The following LRP1B variants were observed in gnomAD, a reference collection of about 807,000 sequenced individuals.
LRP1B encodes LDL receptor related protein 1B.
In LRP1B, 217 loss-of-function variants were observed where a neutral mutation model predicts 556.6. That is an observed-to-expected ratio of 0.39 (90% confidence interval 0.35 to 0.44). The LOEUF (loss-of-function observed/expected upper bound fraction) is 0.44, where lower values mean the gene tolerates loss of function less well. Ranked by LOEUF, LRP1B falls within the 20% of genes least tolerant of loss-of-function variation. The pLI is 1.00. For synonymous variants in LRP1B, 2,047 were observed against 1,865.8 expected (o/e 1.10, Z -2.50); for missense variants, 5,053 against 5,620.8 (o/e 0.90, Z 3.23).
At chr2:141,204,965 G>T (rs975050269) in intron 6 of LRP1B, among the ~76,000 whole-genome samples, 1 of 151,782 alleles carries the variant, frequency 6.6e-6, no homozygotes, top group Non-Finnish European at 1.5e-5. Flanking sequence ...AAGAAAAAAA[G>T]AATTTTAGAA....
chr2:140,313,891 C>G (rs1192329427), intron 83 of LRP1B, among the ~76,000 whole-genome samples: 1 of 151,602 alleles, frequency 6.6e-6, no homozygotes, highest in Non-Finnish European at 1.5e-5. Flanking sequence ...TTTCAGAATG[C>G]TATTAAGTAA....
intron 41 of LRP1B, among the ~76,000 whole-genome samples, chr2:140,659,057 A>G (rs1475894636): frequency 1.3e-5 from 2 of 151,040 alleles, no homozygotes; most frequent in African/African-American, 2.4e-5. Context: ...CAGTGAGCTG[A>G]AAACATGTTA....
intron 7 of LRP1B, among the ~76,000 whole-genome samples, chr2:141,174,419 C>G (rs1446344169): frequency 6.6e-6 from 1 of 152,040 alleles, no homozygotes; most frequent in East Asian, 1.9e-4. Context: ...GGGGAGGGGC[C>G]TGGTGGAAGG....
chr2:140,716,775 T>C lies in LRP1B; in HGVS notation c.5800A>G (p.Ile1934Val), dbSNP rs769280482. The change falls in exon 36 of 91, where the codon ATT (isoleucine) becomes GTT (valine). Residue 1934 changes from isoleucine to valine, a missense_variant. This residue lies in a region of LRP1B where 3,619 missense variants were observed against 3,931.9 expected (regional missense o/e 0.92). Coordinates refer to ENST00000389484, the MANE Select transcript of LRP1B (RefSeq NM_018557.3). Reference sequence around the variant, plus strand: ...GTCTGATCTCTTTTAGCTCTGCTAATTTTATTGAAGCCCATGTCTGTCCAG... The same window carrying C: ...GTCTGATCTCTTTTAGCTCTGCTAACTTTATTGAAGCCCATGTCTGTCCAG... The part of the protein sequence containing the change: ...IYWTDMGFNK[I>V]SRAKRDQTWK... 3 of 1,609,556 alleles carry C rather than the reference T, an allele frequency of 1.9e-6. No homozygotes were observed. Among genetic ancestry groups the C allele is most frequent in the African/African-American group, 2.7e-5 (2 of 74,804 alleles).
intron 7 of LRP1B, among the ~76,000 whole-genome samples, chr2:141,153,338 ATATAT>A (rs202038894): frequency 0.22 from 25,694 of 115,552 alleles, 4,287 homozygotes; most frequent in East Asian, 0.63. Context: ...TTATATAATA[ATATAT>A]TATATATTAG....
intron 2 of LRP1B, among the ~76,000 whole-genome samples, chr2:141,762,136 G>A (rs894970852): frequency 1.3e-5 from 2 of 151,768 alleles, no homozygotes; most frequent in African/African-American, 4.8e-5. Context: ...ATTGGGTGAA[G>A]CTGACACTAT....
At chr2:140,724,406 A>G (rs1208365441) in intron 35 of LRP1B, among the ~76,000 whole-genome samples, 2 of 152,216 alleles carry the variant, frequency 1.3e-5, no homozygotes, top group Non-Finnish European at 2.9e-5. Flanking sequence ...CAATTTATGA[A>G]CAATAAAATT....
rs530903032 is a variant in LRP1B at position 141,499,311 on chromosome 2, T to A, written c.206-18778A>T. On this transcript the variant is annotated intron_variant, in intron 2 of 90. Coordinates refer to ENST00000389484, the MANE Select transcript of LRP1B (RefSeq NM_018557.3). ...AGAATCTAAACTTAGGATTTTTATC[T>A]TCAGGGTCCACACAGTTATTCACAA... is the stretch of plus-strand genomic sequence containing the variant. Among the ~76,000 whole-genome samples, 4 of 152,172 alleles carry A rather than the reference T, an allele frequency of 2.6e-5. No individual in the cohort carries two copies. The South Asian group carries it at 8.3e-4, about 32-fold the overall frequency.
At chr2:141,128,927 T>G (rs895694955) in intron 7 of LRP1B, among the ~76,000 whole-genome samples, 1 of 152,192 alleles carries the variant, frequency 6.6e-6, no homozygotes, top group African/African-American at 2.4e-5. Context: ...ATTACCTAAG[T>G]GCCTAAAGAT....
At chr2:140,284,984 G>A (rs1159436) in intron 84 of LRP1B, among the ~76,000 whole-genome samples, 139,447 of 148,902 alleles carry the variant, frequency 0.94, 65,852 homozygotes, top group Middle Eastern at 1. Context: ...GTACCTAGAT[G>A]TTCATATCCA....
intron 1 of LRP1B, among the ~76,000 whole-genome samples, chr2:142,026,792 T>A (rs1703522639): frequency 6.6e-6 from 1 of 151,942 alleles, no homozygotes; most frequent in African/African-American, 2.4e-5. Context: ...GCCAATTACA[T>A]AAAAATATAA....
intron 1 of LRP1B, among the ~76,000 whole-genome samples, chr2:142,070,849 A>G (rs532698564): frequency 6.6e-6 from 1 of 152,068 alleles, no homozygotes; most frequent in South Asian, 2.1e-4. Flanking sequence ...TAAATATATT[A>G]CATACATTGT....
Position 140,898,926 on chromosome 2 carries a change from A to G in LRP1B, c.3766+3994T>C, listed in dbSNP as rs192763408. 9.2e-4 allele frequency: 345 copies of G among 374,144 alleles called. 4 individuals carry two copies. In the East Asian group the frequency reaches 0.017, roughly 18 times the overall value. 23.2% of individuals were successfully genotyped at this position (374,144 alleles called of 1,614,324 possible). ...ACTGGAAGAAGATATCTCAGGTCTC[A>G]ATAAAGATATCTGGCTGTCCTTGCC... is the stretch of plus-strand genomic sequence containing the variant. On this transcript the variant is annotated intron_variant, in intron 23 of 90. Transcript: ENST00000389484.
chr2:140,350,929 A>G lies in LRP1B; in HGVS notation c.11760T>C (p.Asn3920=). The change falls in exon 77 of 91, where the codon AAT becomes AAC. Residue 3920 remains asparagine (N), a synonymous_variant. Transcript: ENST00000389484. The part of the protein sequence containing the change: ...DHQQISHIEH[N]SRITGMDVYY... ...ATACATCCATCCCTGTTATTCTTGA[A>G]TTATGTTCAATATGAGAAATTTGTT... is the stretch of plus-strand genomic sequence containing the variant. The G allele has an allele frequency of 6.2e-7, 1 of 1,611,062 alleles. No homozygotes were observed. Among genetic ancestry groups the G allele is most frequent in the Non-Finnish European group, 8.5e-7 (1 of 1,177,912 alleles).
At chr2:140,306,734 T>C (rs1368152302) in intron 83 of LRP1B, among the ~76,000 whole-genome samples, 2 of 152,086 alleles carry the variant, frequency 1.3e-5, no homozygotes, top group Non-Finnish European at 2.9e-5. Context: ...CTCTAGTTCT[T>C]TTAATTGTGA....
intron 3 of LRP1B, among the ~76,000 whole-genome samples, chr2:141,353,152 C>A (rs1688505536): frequency 6.6e-6 from 1 of 151,870 alleles, no homozygotes; most frequent in Admixed American, 6.6e-5. Context: ...TCCCAACATC[C>A]CTTGTAATCA....
intron 75 of LRP1B, among the ~76,000 whole-genome samples, chr2:140,355,668 T>A (rs1310778885): frequency 6.6e-6 from 1 of 151,990 alleles, no homozygotes; most frequent in Non-Finnish European, 1.5e-5. Context: ...TAGGTTTGGC[T>A]GTACTTACAT....
At chr2:142,077,721 C>T (rs924622301) in intron 1 of LRP1B, among the ~76,000 whole-genome samples, 2 of 151,976 alleles carry the variant, frequency 1.3e-5, no homozygotes, top group Admixed American at 1.3e-4. Context: ...TTCCTTGGTT[C>T]GCTGCAGGAT....
chr2:141,018,813 T>C (rs987542695), intron 12 of LRP1B, among the ~76,000 whole-genome samples: 2 of 152,074 alleles, frequency 1.3e-5, no homozygotes, highest in Non-Finnish European at 2.9e-5. Context: ...ACTTTATAAT[T>C]ATGCCCTATG....
Sources: gnomAD v4.1 joint callset for allele counts (sites outside exome capture counted in the v4.1 genomes callset) on GRCh38, gnomAD v4.1.1 for gene constraint, gnomAD v4.1.1 regional missense constraint, MANE v1.5 for transcripts, NCBI Gene and HGNC (gene_info 2026-07-23, HGNC 2026-07-21) for gene names.